The following YY1AP1 variants were observed in gnomAD, a reference collection of about 807,000 sequenced individuals.
YY1AP1 encodes YY1-associated protein 1.
Under a neutral mutation model 39.9 loss-of-function variants are expected in YY1AP1, and 43 were observed. The observed-to-expected ratio is 1.08, with a 90% confidence interval of 0.84 to 1.39. YY1AP1 has a LOEUF of 1.39. Ranked by LOEUF, YY1AP1 falls within the 40% of genes most tolerant of loss-of-function variation. The pLI is 0.00. For missense variants in YY1AP1, 813 were observed against 900.7 expected, an observed-to-expected ratio of 0.90 and a Z score of 1.25; for synonymous variants, 292 against 331.3, an observed-to-expected ratio of 0.88 and a Z score of 1.29.
intron 9 of YY1AP1, among the ~76,000 whole-genome samples, chr1:155,666,346 T>C (rs949673755): frequency 2.6e-5 from 4 of 152,050 alleles, no homozygotes; most frequent in Non-Finnish European, 4.4e-5. Context: ...TGGTCTCGAT[T>C]TCCTGACCTC....
At chr1:155,685,214 AG>A (rs1410812235) in intron 2 of YY1AP1, among the ~76,000 whole-genome samples, 14 of 152,226 alleles carry the variant, frequency 9.2e-5, no homozygotes, top group Admixed American at 8.5e-4. Context: ...AAGAATAAGT[AG>A]TGACAAAAAG....
In YY1AP1 at chr1:155,675,084, A is replaced by T. The variant is rs1392981228; in HGVS notation, c.337T>A (p.Leu113Met). ...QQQMQQHVQL[L>M]TQIHLLATCN... ...GTGGCAAGAAGGTGGATTTGTGTCA[A>T]GAGCTGAACATGCTGGGGAGAGAAA... Residue 113 changes from leucine (L) to methionine (M), a missense_variant, in exon 6 of 11, where the codon TTG becomes ATG. Transcript: ENST00000355499. 6.2e-7 allele frequency: 1 copy of T among 1,613,628 alleles called. No individual in the cohort carries two copies. The highest frequency in any genetic ancestry group is 1.1e-5 in the South Asian group (1 of 91,074).
intron 2 of YY1AP1, chr1:155,687,869 T>C (rs552291822): frequency 1.8e-6 from 1 of 552,156 alleles, no homozygotes; most frequent in East Asian, 3.1e-5. Context: ...GGAGTCTGCC[T>C]GTCAGGGACA....
chr1:155,660,749 A>G lies in YY1AP1; in HGVS notation c.1161T>C (p.Gly387=). 1.2e-6 allele frequency: 2 copies of G among 1,613,986 alleles called. No individual in the cohort carries two copies. The highest frequency in any genetic ancestry group is 1.7e-6 in the Non-Finnish European group (2 of 1,179,988). ...ETRYPLLLPK[G]VVLKLKPVAD... ...CAACTGGCTTCAGTTTCAGGACTAC[A>G]CCCTTAGGCAATAGCAGTGGGTACC... Residue 387 remains glycine, a synonymous_variant, in exon 11 of 11, where the codon GGT becomes GGC. Coordinates refer to ENST00000355499, the MANE Select transcript of YY1AP1 (RefSeq NM_139119.3).
chr1:155,664,008 T>TAA (rs34042481), intron 9 of YY1AP1, among the ~76,000 whole-genome samples: 6 of 123,318 alleles, frequency 4.9e-5, no homozygotes, highest in African/African-American at 1.2e-4. Context: ...GACCATGTCT[T>TAA]AAAAAAAAAA....
At chr1:155,685,632 A>T (rs1652106672) in intron 2 of YY1AP1, among the ~76,000 whole-genome samples, 1 of 152,240 alleles carries the variant, frequency 6.6e-6, no homozygotes, top group Admixed American at 6.5e-5. Flanking sequence ...AATAAATTAA[A>T]AATATGGATC....
chr1:155,665,692 C>A (rs1648886728), intron 9 of YY1AP1, among the ~76,000 whole-genome samples: 1 of 150,766 alleles, frequency 6.6e-6, no homozygotes, highest in Non-Finnish European at 1.5e-5. Context: ...GTGGGTGGAT[C>A]CCCTGAGGTC....
chr1:155,665,650 C>T (rs1042388152), intron 9 of YY1AP1, among the ~76,000 whole-genome samples: 4 of 151,516 alleles, frequency 2.6e-5, no homozygotes, highest in Non-Finnish European at 5.9e-5. Context: ...TGGTGTCTCA[C>T]GCCTGTAATC....
At chr1:155,674,408 A>G (rs969936141) in intron 6 of YY1AP1, among the ~76,000 whole-genome samples, 1 of 152,118 alleles carries the variant, frequency 6.6e-6, no homozygotes, top group African/African-American at 2.4e-5. Flanking sequence ...TCAGCCTCCC[A>G]AAGTGCTGGA....
intron 9 of YY1AP1, among the ~76,000 whole-genome samples, chr1:155,665,784 C>CAAA (rs58155011): frequency 4.0e-4 from 14 of 35,024 alleles, no homozygotes; most frequent in Non-Finnish European, 6.3e-4. Context: ...CTCTGTGTCT[C>CAAA]AAAAAAAAAA....
chr1:155,665,800 A>AG (rs1321248601), intron 9 of YY1AP1, among the ~76,000 whole-genome samples: 32 of 151,416 alleles, frequency 2.1e-4, no homozygotes, highest in African/African-American at 7.8e-4. Flanking sequence ...AAAAAAAAAA[A>AG]AAAAAAAAAG....
chr1:155,688,352 G>T (rs1356178686), intron 1 of YY1AP1, 151 bp from the exon 2 acceptor site: 3 of 1,548,374 alleles, frequency 1.9e-6, no homozygotes, highest in Admixed American at 3.9e-5. Flanking sequence ...GAGTGGCCGC[G>T]GCAGCTCCTC....
At position 155,676,689 on chromosome 1, in the gene YY1AP1, T is replaced by C. The variant is rs1472430217; in HGVS notation, c.183A>G (p.Leu61=). 6.2e-7 allele frequency: 1 copy of C among 1,614,200 alleles called. No homozygotes were observed. Among genetic ancestry groups the C allele is most frequent in the Non-Finnish European group, 8.5e-7 (1 of 1,180,034 alleles). Residue 61 remains leucine (L), a synonymous_variant, in exon 5 of 11, where the codon CTA becomes CTG. Coordinates refer to ENST00000355499, the MANE Select transcript of YY1AP1 (RefSeq NM_139119.3). ...GTTTCTTCATCTTCAGCTGTTCAAA[T>C]AGTTCCTTCGCTATCTGATGTTGTT... The part of the protein sequence containing the change: ...LNEQHQIAKE[L]FEQLKMKKPS...
intron 8 of YY1AP1, 55 bp downstream of exon 8, chr1:155,670,265 C>G: frequency 2.5e-6 from 4 of 1,610,602 alleles, no homozygotes; most frequent in Non-Finnish European, 3.4e-6. Flanking sequence ...CTAAACTCCT[C>G]AAAGGAACTA....
chr1:155,685,573 TAC>T (rs1415091496), intron 2 of YY1AP1, among the ~76,000 whole-genome samples: 1 of 152,186 alleles, frequency 6.6e-6, no homozygotes, highest in African/African-American at 2.4e-5. Context: ...TTTTACCAAA[TAC>T]AGAGTCATTT....
At chr1:155,674,313 A>G (rs1650313861) in intron 6 of YY1AP1, among the ~76,000 whole-genome samples, 1 of 151,974 alleles carries the variant, frequency 6.6e-6, no homozygotes, top group African/African-American at 2.4e-5. Context: ...AAATTAAAAC[A>G]AAACAAAACA....
At chr1:155,668,551 T>A (rs1012090099) in intron 9 of YY1AP1, 76 bp downstream of exon 9, 1 of 1,609,766 alleles carries the variant, frequency 6.2e-7, no homozygotes, top group African/African-American at 1.3e-5. Flanking sequence ...GTTCTTCTTT[T>A]CTTTGAGAAT....
At chr1:155,671,945 C>T (rs1216622891) in intron 7 of YY1AP1, among the ~76,000 whole-genome samples, 1 of 152,158 alleles carries the variant, frequency 6.6e-6, no homozygotes, top group Non-Finnish European at 1.5e-5. Flanking sequence ...TTTGCTAAGT[C>T]AGCAAACAAA....
intron 2 of YY1AP1, among the ~76,000 whole-genome samples, chr1:155,686,434 A>G (rs1185616886): frequency 6.6e-6 from 1 of 152,124 alleles, no homozygotes; most frequent in Admixed American, 6.6e-5. Flanking sequence ...AACAATTACC[A>G]GTACCCAAAA....
Sources: gnomAD v4.1 joint callset for allele counts (sites outside exome capture counted in the v4.1 genomes callset) on GRCh38, gnomAD v4.1.1 for gene constraint, MANE v1.5 for transcripts, NCBI Gene and HGNC (gene_info 2026-07-23, HGNC 2026-07-21) for gene names.